CNBP: variants seen among roughly 807,000 people sequenced by gnomAD.
The protein encoded by CNBP is cellular nucleic acid-binding protein.
A neutral mutation model predicts 21.2 loss-of-function variants in CNBP; 6 were observed. The observed-to-expected ratio is 0.28, with a 90% CI of 0.16 to 0.56. The LOEUF is 0.56. Ranked by LOEUF, CNBP falls within the 20% of genes least tolerant of loss-of-function variation. CNBP has a pLI of 0.93. For synonymous variants in CNBP, 61 were observed against 74.9 expected, an observed-to-expected ratio of 0.81 and a Z score of 0.96; for missense variants, 112 against 233.1, an observed-to-expected ratio of 0.48 and a Z score of 3.38.
chr3:129,172,149 C>A (rs754958755), intron 1 of CNBP, among the ~76,000 whole-genome samples: 1 of 151,776 alleles, frequency 6.6e-6, no homozygotes, highest in Non-Finnish European at 1.5e-5. Flanking sequence ...CCAGCCTGGG[C>A]AACATTGAGA....
At chr3:129,183,567 G>A (rs573503697) in intron 1 of CNBP, among the ~76,000 whole-genome samples, 2 of 152,270 alleles carry the variant, frequency 1.3e-5, no homozygotes, top group Non-Finnish European at 2.9e-5. Context: ...CCAGGACGAA[G>A]AAAGGACAGA....
chr3:129,171,361 C>T, intron 3 of CNBP, 84 bp from the exon 4 acceptor site: 1 of 1,597,356 alleles, frequency 6.3e-7, no homozygotes, highest in Non-Finnish European at 8.6e-7. Context: ...TACAAAACCT[C>T]AAAGGTGGAA....
intron 1 of CNBP, among the ~76,000 whole-genome samples, chr3:129,180,582 T>C (rs192491772): frequency 6.6e-6 from 1 of 152,326 alleles, no homozygotes; most frequent in Admixed American, 6.5e-5. Context: ...CATAGCTTAC[T>C]GCAATCACTC....
chr3:129,171,968 G>A lies in CNBP; in HGVS notation c.-14-197C>T, dbSNP rs75131307. On this transcript the variant is annotated intron_variant, in intron 1 of 4. Transcript: ENST00000422453. ...GCCGAGGTGGGTGGATCATGAGATCGAGACCATCTTGGCTAACATGGTGAA... is the reference window on the plus strand; with the variant it reads ...GCCGAGGTGGGTGGATCATGAGATCAAGACCATCTTGGCTAACATGGTGAA... Among the ~76,000 whole-genome samples, 485 of 151,956 alleles carry A rather than the reference G, an allele frequency of 3.2e-3. 2 individuals carry two copies. The highest frequency in any genetic ancestry group is 0.011 in the African/African-American group (437 of 41,440).
chr3:129,178,253 C>T (rs1044570416), intron 1 of CNBP, among the ~76,000 whole-genome samples: 9 of 151,078 alleles, frequency 6.0e-5, no homozygotes, highest in African/African-American at 1.9e-4. Flanking sequence ...CTATTTTACA[C>T]ATTTTGAACT....
At chr3:129,178,867 C>G (rs1407283526) in intron 1 of CNBP, among the ~76,000 whole-genome samples, 1 of 151,948 alleles carries the variant, frequency 6.6e-6, no homozygotes, top group South Asian at 2.1e-4. Context: ...CTCAACCTCT[C>G]GAGTAGCTGG....
At position 129,168,438 on chromosome 3, in the gene CNBP, A is replaced by G. The variant is rs145051505; in HGVS notation, c.*2015T>C. On this transcript the variant is annotated 3_prime_UTR_variant, in exon 5 of 5. Coordinates refer to ENST00000422453, the MANE Select transcript of CNBP (RefSeq NM_003418.5). Reference sequence around the variant, plus strand: ...CAGTGAAACCCCATCTCTACTAAAAATAACAAAAATTAGCTGGGTGTGGTG... The same window carrying G: ...CAGTGAAACCCCATCTCTACTAAAAGTAACAAAAATTAGCTGGGTGTGGTG... 0.01 allele frequency among the ~76,000 whole-genome samples: 1,536 copies of G among 150,786 alleles called. 34 individuals carry two copies. Among genetic ancestry groups the G allele is most frequent in the African/African-American group, 0.035 (1,438 of 40,934 alleles).
At chr3:129,173,514 A>C (rs932131950) in intron 1 of CNBP, among the ~76,000 whole-genome samples, 1 of 152,232 alleles carries the variant, frequency 6.6e-6, no homozygotes, top group African/African-American at 2.4e-5. Flanking sequence ...TCTGTAATGT[A>C]ATTTTACATT....
At chr3:129,172,569 G>A (rs1050855384) in intron 1 of CNBP, among the ~76,000 whole-genome samples, 2 of 148,040 alleles carry the variant, frequency 1.4e-5, no homozygotes, top group African/African-American at 5.2e-5. Context: ...GGGACAAAGT[G>A]AGACAGACAG....
intron 1 of CNBP, among the ~76,000 whole-genome samples, chr3:129,183,053 G>T (rs1368923807): frequency 6.6e-6 from 1 of 152,006 alleles, no homozygotes; most frequent in East Asian, 1.9e-4. Flanking sequence ...CGGGGTTCAC[G>T]CGATTCTCCT....
chr3:129,183,247 C>T (rs1165288449), intron 1 of CNBP, among the ~76,000 whole-genome samples: 1 of 152,232 alleles, frequency 6.6e-6, no homozygotes, highest in Non-Finnish European at 1.5e-5. Context: ...CGCGCCCGGC[C>T]TAAGAACCCT....
At chr3:129,181,821 G>C (rs1938322373) in intron 1 of CNBP, among the ~76,000 whole-genome samples, 2 of 151,916 alleles carry the variant, frequency 1.3e-5, no homozygotes, top group African/African-American at 4.8e-5. Flanking sequence ...AACTTATCAA[G>C]AGATGAAATC....
At chr3:129,172,103 G>A (rs139134359) in intron 1 of CNBP, among the ~76,000 whole-genome samples, 11 of 152,060 alleles carry the variant, frequency 7.2e-5, no homozygotes, top group South Asian at 6.2e-4. Context: ...CCCAGGAGGC[G>A]GAGCTTACAG....
At chr3:129,180,586 A>G (rs977985153) in intron 1 of CNBP, among the ~76,000 whole-genome samples, 1 of 152,218 alleles carries the variant, frequency 6.6e-6, no homozygotes. Flanking sequence ...GCTTACTGCA[A>G]TCACTCAATG....
intron 4 of CNBP, 54 bp from the exon 5 acceptor site, chr3:129,170,624 C>T (rs201428854): frequency 7.2e-7 from 1 of 1,388,184 alleles, no homozygotes; most frequent in Admixed American, 1.7e-5. Context: ...AACTGTCTAC[C>T]AAAGCAACAG....
chr3:129,179,418 T>C (rs1240149421), intron 1 of CNBP, among the ~76,000 whole-genome samples: 2 of 152,218 alleles, frequency 1.3e-5, no homozygotes, highest in Non-Finnish European at 2.9e-5. Flanking sequence ...CTGAACTTAC[T>C]GCTTGACCTT....
chr3:129,182,972 G>A (rs1481894038), intron 1 of CNBP, among the ~76,000 whole-genome samples: 1 of 151,930 alleles, frequency 6.6e-6, no homozygotes, highest in Non-Finnish European at 1.5e-5. Flanking sequence ...GTTTTTTTAA[G>A]ACGGAGTCTC....
In CNBP at chr3:129,168,449, T is replaced by C. The variant is rs1937503115; in HGVS notation, c.*2004A>G. On this transcript the variant is annotated 3_prime_UTR_variant, in exon 5 of 5. Coordinates refer to ENST00000422453, the MANE Select transcript of CNBP (RefSeq NM_003418.5). ...CATCTCTACTAAAAATAACAAAAAT[T>C]AGCTGGGTGTGGTGGCGGACACCTG... Among the ~76,000 whole-genome samples, 1 of 135,618 alleles carries C rather than the reference T, an allele frequency of 7.4e-6. No individual in the cohort carries two copies. The highest frequency in any genetic ancestry group is 1.5e-5 in the Non-Finnish European group (1 of 64,668). 89.0% of individuals were successfully genotyped at this position (135,618 alleles called of 152,430 possible).
rs1937534162 is a variant in CNBP at position 129,169,644 on chromosome 3, GCT to G, written c.*807_*808del. 1 of 210,444 alleles carries G rather than the reference GCT, an allele frequency of 4.8e-6. No homozygotes were observed. Among genetic ancestry groups the G allele is most frequent in the East Asian group, 7.3e-5 (1 of 13,746 alleles). The allele number at this position is 210,444 out of a possible 1,614,324, so 13.0% of individuals were successfully genotyped here. ...ATTTCTATTTTCTAGGACTTCAGTT[GCT>G]CTTTCCATCTGACTTTTAAAAACTG... On this transcript the variant is annotated 3_prime_UTR_variant, in exon 5 of 5. Transcript: ENST00000422453.
Sources: allele counts gnomAD v4.1 joint callset (sites outside exome capture counted in the v4.1 genomes callset), GRCh38; gene constraint gnomAD v4.1.1; transcripts MANE v1.5; gene names NCBI Gene and HGNC (gene_info 2026-07-23, HGNC 2026-07-21).